The following CDK6 variants were observed in gnomAD, a reference collection of about 807,000 sequenced individuals.
CDK6 encodes cyclin-dependent kinase 6.
CDK6 carries 6 observed loss-of-function variants against 37.1 expected under a neutral mutation model. That is an observed-to-expected ratio of 0.16 (90% CI 0.09 to 0.32). CDK6 has a LOEUF of 0.32. Ranked by LOEUF, CDK6 falls within the 10% of genes least tolerant of loss-of-function variation. The pLI, the probability that CDK6 is intolerant of heterozygous loss-of-function variation, is 1.00. For synonymous variants in CDK6, 160 were observed against 161.3 expected (o/e 0.99, Z 0.06); for missense variants, 224 against 418.9 (o/e 0.53, Z 4.06).
intron 5 of CDK6, among the ~76,000 whole-genome samples, chr7:92,634,216 T>C (rs1041870345): frequency 6.6e-6 from 1 of 152,170 alleles, no homozygotes; most frequent in Admixed American, 6.6e-5. Flanking sequence ...TGGTGAGGAA[T>C]AGTGAGAATC....
At chr7:92,683,036 T>G (rs1295689152) in intron 4 of CDK6, among the ~76,000 whole-genome samples, 1 of 152,194 alleles carries the variant, frequency 6.6e-6, no homozygotes, top group Non-Finnish European at 1.5e-5. Flanking sequence ...GTTTTGATTT[T>G]GACACTAAAC....
At chr7:92,826,901 T>A (rs1801332350) in intron 2 of CDK6, among the ~76,000 whole-genome samples, 1 of 152,144 alleles carries the variant, frequency 6.6e-6, no homozygotes, top group African/African-American at 2.4e-5. Context: ...ACCATGTTAT[T>A]TATGGATATA....
At chr7:92,825,484 A>ACACC (rs1554419613) in intron 2 of CDK6, among the ~76,000 whole-genome samples, 11 of 151,560 alleles carry the variant, frequency 7.3e-5, no homozygotes, top group African/African-American at 2.7e-4. Context: ...ACACACACAC[A>ACACC]CCCCAACCAT....
intron 2 of CDK6, among the ~76,000 whole-genome samples, chr7:92,828,800 C>G (rs1801400012): frequency 6.6e-6 from 1 of 152,038 alleles, no homozygotes; most frequent in African/African-American, 2.4e-5. Flanking sequence ...GTCAAAAATT[C>G]AGCATTATCA....
chr7:92,642,313 G>A (rs1390893607), intron 5 of CDK6, among the ~76,000 whole-genome samples: 1 of 152,162 alleles, frequency 6.6e-6, no homozygotes, highest in Admixed American at 6.5e-5. Flanking sequence ...CCTTTGTGGT[G>A]ACTGTGGTGG....
intron 3 of CDK6, 105 bp downstream of exon 3, chr7:92,774,591 T>C: frequency 1.0e-6 from 1 of 1,001,138 alleles, no homozygotes; most frequent in Non-Finnish European, 1.4e-6. Context: ...ATATACCGAA[T>C]TCTAAAAGTT....
intron 5 of CDK6, among the ~76,000 whole-genome samples, chr7:92,662,633 G>A (rs1326700093): frequency 2.0e-5 from 3 of 152,150 alleles, no homozygotes; most frequent in African/African-American, 4.8e-5. Flanking sequence ...GACAGGGAGA[G>A]TGCAAGCTGA....
At chr7:92,688,082 T>G (rs1353031888) in intron 4 of CDK6, among the ~76,000 whole-genome samples, 3 of 152,190 alleles carry the variant, frequency 2.0e-5, no homozygotes, top group African/African-American at 7.2e-5. Flanking sequence ...CATTCTGCTT[T>G]GAACATTTTT....
chr7:92,689,518 C>T (rs1797550578), intron 4 of CDK6, among the ~76,000 whole-genome samples: 2 of 152,092 alleles, frequency 1.3e-5, no homozygotes, highest in African/African-American at 4.8e-5. Context: ...TGGGTTGATT[C>T]CAAATACCCA....
At chr7:92,743,523 C>T (rs1037875246) in intron 3 of CDK6, among the ~76,000 whole-genome samples, 2 of 152,006 alleles carry the variant, frequency 1.3e-5, no homozygotes, top group Non-Finnish European at 2.9e-5. Context: ...GAAAAAGACA[C>T]ACAATCCAAT....
chr7:92,666,689 T>C (rs989412429), intron 5 of CDK6, among the ~76,000 whole-genome samples: 35 of 152,294 alleles, frequency 2.3e-4, no homozygotes, highest in South Asian at 1.5e-3. Flanking sequence ...CTTAACGTTA[T>C]TGTAGTGCAG....
intron 6 of CDK6, among the ~76,000 whole-genome samples, chr7:92,618,571 C>T (rs769624707): frequency 6.6e-6 from 1 of 152,336 alleles, no homozygotes; most frequent in African/African-American, 2.4e-5. Flanking sequence ...CATACTGGTA[C>T]ATATCTTCCT....
chr7:92,667,551 AG>A (rs1176826752), intron 5 of CDK6, among the ~76,000 whole-genome samples: 1 of 139,958 alleles, frequency 7.1e-6, no homozygotes, highest in Non-Finnish European at 1.5e-5. Context: ...AAATTTAAAA[AG>A]TTTTTTTTTT....
intron 2 of CDK6, among the ~76,000 whole-genome samples, chr7:92,803,384 G>C (rs973228591): frequency 6.6e-6 from 1 of 152,198 alleles, no homozygotes; most frequent in Non-Finnish European, 1.5e-5. Context: ...TAGTACTAAA[G>C]TTTTCAGAAA....
chr7:92,821,928 T>C (rs540606763), intron 2 of CDK6, among the ~76,000 whole-genome samples: 33 of 152,168 alleles, frequency 2.2e-4, no homozygotes, highest in East Asian at 1.9e-3. Flanking sequence ...GATAGCCATT[T>C]ATACAAGGCT....
chr7:92,666,352 T>C (rs746863690), intron 5 of CDK6, among the ~76,000 whole-genome samples: 7 of 152,204 alleles, frequency 4.6e-5, no homozygotes, highest in Non-Finnish European at 7.3e-5. Context: ...CCTCTAGAAG[T>C]GGGCCTGGCA....
chr7:92,683,961 G>A (rs1007956433), intron 4 of CDK6, among the ~76,000 whole-genome samples: 6 of 152,306 alleles, frequency 3.9e-5, no homozygotes, highest in South Asian at 2.1e-4. Flanking sequence ...GCCTTGTAAT[G>A]TTTTCTCTTC....
chr7:92,689,075 AC>A (rs760410256), intron 4 of CDK6, among the ~76,000 whole-genome samples: 56 of 152,150 alleles, frequency 3.7e-4, no homozygotes, highest in Non-Finnish European at 7.1e-4. Flanking sequence ...GCAGAGTGCT[AC>A]TTGGTGGCCA....
chr7:92,704,841 G>C (rs1423657957), intron 4 of CDK6, among the ~76,000 whole-genome samples: 1 of 152,172 alleles, frequency 6.6e-6, no homozygotes, highest in African/African-American at 2.4e-5. Context: ...TTTCTCTAAG[G>C]TATGTAACTT....
Sources: gnomAD v4.1 joint callset for allele counts (sites outside exome capture counted in the v4.1 genomes callset) on GRCh38, gnomAD v4.1.1 for gene constraint, MANE v1.5 for transcripts, NCBI Gene and HGNC (gene_info 2026-07-23, HGNC 2026-07-21) for gene names.